RGL1: variants seen among roughly 807,000 people sequenced by gnomAD.
RGL1 encodes the protein ral guanine nucleotide dissociation stimulator-like 1.
RGL1 carries 24 observed loss-of-function variants against 95.2 expected under a neutral mutation model. That is an observed-to-expected ratio of 0.25 (90% CI 0.18 to 0.35). The LOEUF is 0.35. RGL1 is among the 10% of genes least tolerant of loss of function. The pLI is 1.00. For missense variants in RGL1, 715 were observed against 936.3 expected (o/e 0.76, Z 3.08); for synonymous variants, 329 against 344.9 (o/e 0.95, Z 0.51).
At chr1:183,794,235 A>C (rs982944220) in intron 2 of RGL1, among the ~76,000 whole-genome samples, 1 of 152,216 alleles carries the variant, frequency 6.6e-6, no homozygotes, top group African/African-American at 2.4e-5. Flanking sequence ...AGCTAAAAAA[A>C]AGTTAATCTC....
At chr1:183,776,623 A>G (rs928047564) in intron 2 of RGL1, among the ~76,000 whole-genome samples, 4 of 152,192 alleles carry the variant, frequency 2.6e-5, no homozygotes, top group African/African-American at 9.7e-5. Flanking sequence ...AACAGGAGTG[A>G]GGGATGGAGG....
chr1:183,768,936 C>A (rs1184055591), intron 2 of RGL1, among the ~76,000 whole-genome samples: 1 of 152,192 alleles, frequency 6.6e-6, no homozygotes, highest in African/African-American at 2.4e-5. Context: ...TAGATAAGGA[C>A]CATTCCACAA....
At chr1:183,690,376 C>T (rs746219656) in intron 1 of RGL1, among the ~76,000 whole-genome samples, 11 of 151,882 alleles carry the variant, frequency 7.2e-5, no homozygotes, top group Non-Finnish European at 1.2e-4. Flanking sequence ...GTTGTAATCA[C>T]GAATAGGTAG....
intron 2 of RGL1, among the ~76,000 whole-genome samples, chr1:183,840,615 C>T (rs1263272726): frequency 1.3e-5 from 2 of 151,990 alleles, no homozygotes; most frequent in African/African-American, 4.8e-5. Context: ...GTAATGCTAG[C>T]ACTTTGAGAG....
At chr1:183,868,903 G>T (rs1665995690) in intron 4 of RGL1, among the ~76,000 whole-genome samples, 1 of 152,142 alleles carries the variant, frequency 6.6e-6, no homozygotes, top group South Asian at 2.1e-4. Flanking sequence ...ATCACTTAAG[G>T]CAGGAGCTCA....
chr1:183,835,696 A>G (rs1052596314), intron 2 of RGL1, among the ~76,000 whole-genome samples: 14 of 152,230 alleles, frequency 9.2e-5, no homozygotes, highest in Non-Finnish European at 1.9e-4. Context: ...ATAATACCAG[A>G]GATAATACCA....
At chr1:183,881,043 A>G (rs1490479866) in intron 5 of RGL1, among the ~76,000 whole-genome samples, 3 of 152,172 alleles carry the variant, frequency 2.0e-5, no homozygotes, top group Admixed American at 2.0e-4. Context: ...CATTTTATGG[A>G]TGAGGAAACT....
intron 2 of RGL1, among the ~76,000 whole-genome samples, chr1:183,824,809 T>A (rs1304587067): frequency 6.6e-6 from 1 of 152,274 alleles, no homozygotes; most frequent in Non-Finnish European, 1.5e-5. Flanking sequence ...CTCACCTTTC[T>A]TGAAGCCTCT....
At chr1:183,835,822 C>G (rs564483807) in intron 2 of RGL1, among the ~76,000 whole-genome samples, 2 of 152,296 alleles carry the variant, frequency 1.3e-5, no homozygotes, top group South Asian at 2.1e-4. Context: ...GATCTATTAT[C>G]TAACTTTCTC....
chr1:183,763,147 C>CCAGACACCA (rs1162163015), intron 2 of RGL1, among the ~76,000 whole-genome samples: 3 of 152,076 alleles, frequency 2.0e-5, no homozygotes, highest in African/African-American at 7.2e-5. Context: ...GAACAGAAAA[C>CCAGACACCA]CAGACACCAC....
chr1:183,755,848 G>A (rs1572373729), intron 2 of RGL1, among the ~76,000 whole-genome samples: 1 of 152,112 alleles, frequency 6.6e-6, no homozygotes, highest in East Asian at 1.9e-4. Context: ...GTCAAGGAAA[G>A]GAAGCTTCTC....
rs563720506 is a variant in RGL1, at chr1:183,799,443, T to A, written c.133-6932T>A. On this transcript the variant is annotated intron_variant, in intron 2 of 18. Coordinates refer to the RGL1 transcript ENST00000304685. ...CTTTCCCAACAATAGCATATCAGGG[T>A]TCCTTTTTGTCTGCATCCTCACCAA... is the stretch of plus-strand genomic sequence containing the variant. Among the ~76,000 whole-genome samples the A allele has an allele frequency of 1.2e-4, 18 of 152,274 alleles. 1 individual carries two copies. The highest frequency in any genetic ancestry group is 3.4e-3 in the Middle Eastern group (1 of 294).
At chr1:183,874,296 G>T (rs1446611015) in intron 4 of RGL1, among the ~76,000 whole-genome samples, 1 of 152,148 alleles carries the variant, frequency 6.6e-6, no homozygotes, top group African/African-American at 2.4e-5. Flanking sequence ...CCTCTGTGCT[G>T]CATGACCTTT....
At chr1:183,718,401 A>G (rs1256046609) in intron 1 of RGL1, among the ~76,000 whole-genome samples, 1 of 152,232 alleles carries the variant, frequency 6.6e-6, no homozygotes, top group Non-Finnish European at 1.5e-5. Flanking sequence ...TACACTAGAA[A>G]TTATATCATT....
intron 2 of RGL1, among the ~76,000 whole-genome samples, chr1:183,835,269 T>A (rs1251410307): frequency 1.3e-5 from 2 of 148,680 alleles, no homozygotes; most frequent in Non-Finnish European, 1.5e-5. Flanking sequence ...AAATCTGCCC[T>A]TTTGTCTGGC....
At chr1:183,661,018 A>T (rs1651580014) in intron 1 of RGL1, among the ~76,000 whole-genome samples, 1 of 152,228 alleles carries the variant, frequency 6.6e-6, no homozygotes, top group South Asian at 2.1e-4. Flanking sequence ...ACGAGAACAA[A>T]GACAGAACAT....
chr1:183,663,143 T>C (rs1651768708), intron 1 of RGL1, among the ~76,000 whole-genome samples: 3 of 151,836 alleles, frequency 2.0e-5, no homozygotes, highest in Admixed American at 6.5e-5. Flanking sequence ...ATTCAGGACA[T>C]AGGCATGGGC....
intron 14 of RGL1, 42 bp downstream of exon 14, chr1:183,907,143 A>T: frequency 8.1e-7 from 1 of 1,228,696 alleles, no homozygotes; most frequent in Non-Finnish European, 1.2e-6. Flanking sequence ...AGAGGGTGCC[A>T]TCAGAGTCGT....
At chr1:183,711,610 C>T (rs1655274117) in intron 1 of RGL1, among the ~76,000 whole-genome samples, 2 of 152,064 alleles carry the variant, frequency 1.3e-5, no homozygotes, top group Non-Finnish European at 2.9e-5. Flanking sequence ...TAGTTTTCCC[C>T]TTGGAAAGCC....
Sources: allele counts gnomAD v4.1 joint callset (sites outside exome capture counted in the v4.1 genomes callset), GRCh38; gene constraint gnomAD v4.1.1; transcripts MANE v1.5; gene names NCBI Gene and HGNC (gene_info 2026-07-23, HGNC 2026-07-21).